HPSE2: variants seen among roughly 807,000 people sequenced by gnomAD.
HPSE2 encodes heparanase 2 (inactive).
In HPSE2, 38 loss-of-function variants were observed where a neutral mutation model predicts 60.5. The observed-to-expected ratio is 0.63, with a 90% confidence interval of 0.48 to 0.82. The LOEUF (loss-of-function observed/expected upper bound fraction) is 0.82, where lower values mean the gene tolerates loss of function less well. HPSE2 is among the 40% of genes least tolerant of loss of function. The pLI, the probability that HPSE2 is intolerant of heterozygous loss-of-function variation, is 0.00. For synonymous variants in HPSE2, 295 were observed against 293.2 expected (o/e 1.01, Z -0.06); for missense variants, 713 against 740.4 (o/e 0.96, Z 0.43).
intron 2 of HPSE2, among the ~76,000 whole-genome samples, chr10:99,223,028 T>C (rs749869994): frequency 2.6e-5 from 4 of 152,170 alleles, no homozygotes; most frequent in South Asian, 2.1e-4. Context: ...CTCTCTTACC[T>C]AAGCACAATA....
chr10:99,013,517 G>C, intron 3 of HPSE2: 1 of 326,614 alleles, frequency 3.1e-6, no homozygotes, highest in South Asian at 2.9e-5. Context: ...TGTCACCCAG[G>C]CTGGAGTGTA....
At chr10:98,823,867 A>C (rs2134624299) in intron 3 of HPSE2, among the ~76,000 whole-genome samples, 1 of 152,300 alleles carries the variant, frequency 6.6e-6, no homozygotes, top group East Asian at 1.9e-4. Context: ...AAAGGACATA[A>C]TCAACAAACG....
the HPSE2 span, among the ~76,000 whole-genome samples, chr10:99,289,589 A>G: frequency 6.6e-6 from 1 of 152,194 alleles, no homozygotes; most frequent in Non-Finnish European, 1.5e-5. Context: ...AGTGGAGTAA[A>G]AATATTATTT....
chr10:98,793,539 T>C (rs1256295314), intron 3 of HPSE2, among the ~76,000 whole-genome samples: 1 of 152,222 alleles, frequency 6.6e-6, no homozygotes, highest in East Asian at 1.9e-4. Context: ...TCTGGCTATA[T>C]GGACCTACAT....
intron 3 of HPSE2, among the ~76,000 whole-genome samples, chr10:99,091,358 T>C (rs1438383601): frequency 1.3e-5 from 2 of 152,084 alleles, no homozygotes; most frequent in African/African-American, 4.8e-5. Context: ...AGAGAATAAA[T>C]AACACTATGT....
At position 99,118,132 on chromosome 10, in the gene HPSE2, CA is replaced by C. The variant is rs200424183; in HGVS notation, c.610+26105del. ...TCCATCACATAAACAGAATTAAAGACAAAAAAAAACACTATTATCTCAATAG... is the reference window on the plus strand; with the variant it reads ...TCCATCACATAAACAGAATTAAAGACAAAAAAAACACTATTATCTCAATAG... On this transcript the variant is annotated intron_variant, in intron 3 of 11. Transcript: ENST00000370552. Among the ~76,000 whole-genome samples the C allele has an allele frequency of 2.0e-4, 30 of 149,182 alleles. No homozygotes were observed. In the East Asian group the frequency reaches 2.9e-3, roughly 15 times the overall value.
chr10:99,132,908 A>G (rs1339455643), intron 3 of HPSE2, among the ~76,000 whole-genome samples: 2 of 152,134 alleles, frequency 1.3e-5, no homozygotes, highest in African/African-American at 4.8e-5. Context: ...TCCCCTGGAA[A>G]GGGGTGCTGA....
At chr10:98,904,833 A>T (rs1953764606) in intron 3 of HPSE2, among the ~76,000 whole-genome samples, 1 of 152,246 alleles carries the variant, frequency 6.6e-6, no homozygotes, top group Non-Finnish European at 1.5e-5. Flanking sequence ...ATCACCCTAC[A>T]ATACAAATTG....
intron 3 of HPSE2, among the ~76,000 whole-genome samples, chr10:98,802,999 T>G (rs1237085591): frequency 6.8e-6 from 1 of 147,370 alleles, no homozygotes; most frequent in Non-Finnish European, 1.5e-5. Flanking sequence ...CCTGACTTTT[T>G]AATGATTGCC....
chr10:98,971,646 C>A (rs1955956787), intron 3 of HPSE2, among the ~76,000 whole-genome samples: 1 of 152,110 alleles, frequency 6.6e-6, no homozygotes, highest in Non-Finnish European at 1.5e-5. Context: ...TTAAGTGTTG[C>A]ATAACATTCC....
chr10:98,852,823 A>C (rs1952214295), intron 3 of HPSE2, among the ~76,000 whole-genome samples: 1 of 152,216 alleles, frequency 6.6e-6, no homozygotes, highest in Non-Finnish European at 1.5e-5. Context: ...CGTATAAACT[A>C]AAGGAAGAAA....
intron 4 of HPSE2, among the ~76,000 whole-genome samples, chr10:98,730,558 G>A (rs558987162): frequency 2.9e-4 from 44 of 151,852 alleles, no homozygotes; most frequent in Non-Finnish European, 5.7e-4. Context: ...CCACAAAACC[G>A]ATATACCTTT....
chr10:98,719,199 G>C (rs1049979166), intron 5 of HPSE2, among the ~76,000 whole-genome samples: 1 of 152,008 alleles, frequency 6.6e-6, no homozygotes, highest in Non-Finnish European at 1.5e-5. Flanking sequence ...GAATAAGACA[G>C]ATACTACTCA....
intron 3 of HPSE2, among the ~76,000 whole-genome samples, chr10:99,004,759 T>C (rs2135383197): frequency 6.6e-6 from 1 of 152,312 alleles, no homozygotes; most frequent in East Asian, 1.9e-4. Flanking sequence ...CATAAGTTTT[T>C]GTATCACTAA....
At chr10:98,565,157 A>ATT (rs55964470) in intron 9 of HPSE2, among the ~76,000 whole-genome samples, 125,207 of 149,322 alleles carry the variant, frequency 0.84, 53,560 homozygotes, top group East Asian at 0.99. Context: ...AACTTGAAGA[A>ATT]TTTTTTTTTT....
chr10:99,307,828 A>G, the HPSE2 span, among the ~76,000 whole-genome samples: 1 of 136,736 alleles, frequency 7.3e-6, no homozygotes, highest in Admixed American at 7.1e-5. Flanking sequence ...TACCTAGTAA[A>G]TGCGCACACA....
chr10:98,879,473 T>C (rs1952961830), intron 3 of HPSE2, among the ~76,000 whole-genome samples: 1 of 152,044 alleles, frequency 6.6e-6, no homozygotes, highest in African/African-American at 2.4e-5. Context: ...TTCCAGCTGG[T>C]GTCTGGTGAG....
At chr10:98,528,479 A>G (rs1227007637) in intron 9 of HPSE2, among the ~76,000 whole-genome samples, 1 of 152,056 alleles carries the variant, frequency 6.6e-6, no homozygotes, top group Non-Finnish European at 1.5e-5. Flanking sequence ...GCAGGAGAGC[A>G]AAGAGGATGG....
At chr10:98,764,449 A>G (rs1340871343) in intron 3 of HPSE2, among the ~76,000 whole-genome samples, 1 of 152,238 alleles carries the variant, frequency 6.6e-6, no homozygotes, top group Non-Finnish European at 1.5e-5. Flanking sequence ...AATTAGATTA[A>G]ATGTAAACGT....
Sources: gnomAD v4.1 joint callset for allele counts (sites outside exome capture counted in the v4.1 genomes callset) on GRCh38, gnomAD v4.1.1 for gene constraint, MANE v1.5 for transcripts, NCBI Gene and HGNC (gene_info 2026-07-23, HGNC 2026-07-21) for gene names.